Variants in ARHGEF12 observed in about 807,000 individuals in gnomAD.
ARHGEF12 encodes Rho guanine nucleotide exchange factor 12.
Under a neutral mutation model 211.2 loss-of-function variants are expected in ARHGEF12, and 66 were observed. That is an observed-to-expected ratio of 0.31 (90% CI 0.26 to 0.38). ARHGEF12 has a LOEUF of 0.38. Among genes scored for constraint, ARHGEF12 ranks in the 10% least tolerant of loss-of-function variants. The pLI is 1.00. For synonymous variants in ARHGEF12, 592 were observed against 638.4 expected (o/e 0.93, Z 1.09); for missense variants, 1,429 against 1,869.5 (o/e 0.76, Z 4.34).
chr11:120,468,757 A>G (rs567123399), intron 29 of ARHGEF12, among the ~76,000 whole-genome samples: 2 of 152,278 alleles, frequency 1.3e-5, no homozygotes, highest in African/African-American at 2.4e-5. Flanking sequence ...TGCCGCCTCA[A>G]TACGTTTTGA....
chr11:120,428,735 G>A (rs575647720), intron 8 of ARHGEF12, among the ~76,000 whole-genome samples: 1 of 152,180 alleles, frequency 6.6e-6, no homozygotes, highest in East Asian at 1.9e-4. Flanking sequence ...TTCAAAGGAG[G>A]GAGAAAGCAC....
chr11:120,423,508 T>G lies in ARHGEF12; in HGVS notation c.349-850T>G, dbSNP rs143296109. 3.6e-3 allele frequency among the ~76,000 whole-genome samples: 552 copies of G among 152,258 alleles called. 4 individuals are homozygous for G. Among genetic ancestry groups the G allele is most frequent in the Middle Eastern group, 0.027 (8 of 294 alleles). ...ATAAACTGAGGGACAGAGAAATAAA[T>G]TATATTCCATTTGCAGCTTTTGAAA... On this transcript the variant is annotated intron_variant, in intron 6 of 40. Coordinates refer to ENST00000397843, the MANE Select transcript of ARHGEF12 (RefSeq NM_015313.3).
chr11:120,408,116 C>G (rs1294435710), intron 3 of ARHGEF12: 2 of 249,266 alleles, frequency 8.0e-6, no homozygotes, highest in Non-Finnish European at 1.5e-5. Context: ...AGATCAAGAA[C>G]TCAGTGTTAA....
intron 1 of ARHGEF12, among the ~76,000 whole-genome samples, chr11:120,358,278 A>G (rs929491892): frequency 6.6e-6 from 1 of 152,160 alleles, no homozygotes; most frequent in African/African-American, 2.4e-5. Context: ...AAGCGAAGAG[A>G]CAAAGTTATT....
intron 37 of ARHGEF12, among the ~76,000 whole-genome samples, chr11:120,479,463 AT>A (rs1947164695): frequency 6.6e-6 from 1 of 152,198 alleles, no homozygotes; most frequent in African/African-American, 2.4e-5. Context: ...TCAAAATTAA[AT>A]TGGTTCTTAT....
At chr11:120,476,469 A>G (rs1038174085) in intron 33 of ARHGEF12, 192 bp from the exon 34 acceptor site, 7 of 418,636 alleles carry the variant, frequency 1.7e-5, no homozygotes, top group Admixed American at 4.0e-5. Flanking sequence ...TTGAAGTACA[A>G]TAAATATAGT....
intron 5 of ARHGEF12, among the ~76,000 whole-genome samples, chr11:120,421,429 G>GTTTTTTTTTTTTTTTT (rs1175598503): frequency 1.3e-5 from 1 of 79,880 alleles, no homozygotes; most frequent in African/African-American, 4.8e-5. Flanking sequence ...TTACAGCCTT[G>GTTTTTTTTTTTTTTTT]TTTTTTTTTT....
Position 120,429,442 on chromosome 11 carries a change from G to A in ARHGEF12, c.588G>A (p.Glu196=). 2.5e-6 allele frequency: 4 copies of A among 1,610,888 alleles called. No individual in the cohort carries two copies. The highest frequency in any genetic ancestry group is 2.5e-6 in the Non-Finnish European group (3 of 1,178,348). The change falls in exon 9 of 41, where the codon GAG becomes GAA. Residue 196 remains glutamate (E), a splice_region_variant and synonymous_variant. Transcript: ENST00000397843. ...TTTTTTATCTTTTTCTTTTCTAGGA[G>A]GAAAACAATGTGGTTCATAACCAGA... is the stretch of plus-strand genomic sequence containing the variant. ...ERITSPVLMG[E]ENNVVHNQKV...
At chr11:120,419,863 A>T (rs1945132739) in intron 4 of ARHGEF12, among the ~76,000 whole-genome samples, 1 of 152,148 alleles carries the variant, frequency 6.6e-6, no homozygotes, top group African/African-American at 2.4e-5. Flanking sequence ...AAATGCTTAG[A>T]TCCTGCAAAG....
chr11:120,481,283 T>C lies in ARHGEF12; in HGVS notation c.4261T>C (p.Tyr1421His). Residue 1421 changes from tyrosine to histidine, a missense_variant, in exon 39 of 41, where the codon TAT becomes CAT. By Grantham distance (83) the Tyr-to-His change is moderately conservative. Transcript: ENST00000397843. ...AGGAAACTATTTGATCCTTGATGGC[T>C]ATGACCCAGTGCAGGAGAGTTCCAC... is the stretch of plus-strand genomic sequence containing the variant. ...ISGNYLILDG[Y>H]DPVQESSTDE... The C allele has an allele frequency of 1.2e-6, 2 of 1,614,192 alleles. No individual in the cohort carries two copies. Among genetic ancestry groups the C allele is most frequent in the Non-Finnish European group, 1.7e-6 (2 of 1,180,022 alleles).
intron 3 of ARHGEF12, chr11:120,409,098 C>T (rs1399132808): frequency 2.9e-6 from 1 of 348,920 alleles, no homozygotes; most frequent in East Asian, 5.7e-5. Context: ...ATCATTATAG[C>T]TTTTAGTGCT....
chr11:120,345,786 A>C (rs1330476235), intron 1 of ARHGEF12, among the ~76,000 whole-genome samples: 1 of 152,050 alleles, frequency 6.6e-6, no homozygotes, highest in Non-Finnish European at 1.5e-5. Flanking sequence ...TGGACGTTAA[A>C]AAAATTAACA....
intron 1 of ARHGEF12, among the ~76,000 whole-genome samples, chr11:120,390,937 TG>T (rs1944197082): frequency 6.6e-6 from 1 of 152,206 alleles, no homozygotes; most frequent in Admixed American, 6.5e-5. Flanking sequence ...AATGAATTAA[TG>T]CATAAAAAGT....
At chr11:120,477,639 C>A in intron 36 of ARHGEF12, 113 bp downstream of exon 36, 2 of 938,642 alleles carry the variant, frequency 2.1e-6, no homozygotes, top group African/African-American at 1.7e-5. Flanking sequence ...TCGAGATAGG[C>A]GTATCACCTG....
chr11:120,402,839 T>C (rs919441261), intron 1 of ARHGEF12, among the ~76,000 whole-genome samples: 17 of 152,228 alleles, frequency 1.1e-4, no homozygotes, highest in African/African-American at 3.4e-4. Flanking sequence ...TAAGCAAATA[T>C]GTGACGACAC....
At chr11:120,453,307 T>G (rs1449391640) in intron 22 of ARHGEF12, among the ~76,000 whole-genome samples, 1 of 152,016 alleles carries the variant, frequency 6.6e-6, no homozygotes, top group Non-Finnish European at 1.5e-5. Context: ...CTTATTAAAA[T>G]AAAAACATGG....
intron 1 of ARHGEF12, among the ~76,000 whole-genome samples, chr11:120,352,066 T>C (rs1389437959): frequency 6.6e-6 from 1 of 152,186 alleles, no homozygotes; most frequent in East Asian, 1.9e-4. Context: ...GATTTTGTCT[T>C]CAACAATACC....
intron 30 of ARHGEF12, among the ~76,000 whole-genome samples, chr11:120,472,398 G>T (rs111909672): frequency 0.012 from 1,862 of 152,136 alleles, 31 homozygotes; most frequent in African/African-American, 0.041. Context: ...ATTGAGGGGG[G>T]TGGGGCAATA....
rs1947179306 is a variant in ARHGEF12 at position 120,479,987 on chromosome 11, A to C, written c.3794A>C (p.Gln1265Pro). Reference sequence around the variant, plus strand: ...GGTTTGTTGAAGCAGTTGCTGGTGCAACAGCTAGGTTTGACTGAGAAGAGC... The same window carrying C: ...GGTTTGTTGAAGCAGTTGCTGGTGCCACAGCTAGGTTTGACTGAGAAGAGC... ...NLGLLKQLLVQQLGLTEKSVQ... is the reference protein window; with the variant it reads ...NLGLLKQLLVPQLGLTEKSVQ... The change falls in exon 38 of 41, where the codon CAA (glutamine) becomes CCA (proline). Residue 1265 changes from glutamine to proline, a missense_variant. Transcript: ENST00000397843. 1 of 1,613,104 alleles carries C rather than the reference A, an allele frequency of 6.2e-7. No individual in the cohort carries two copies. Among genetic ancestry groups the C allele is most frequent in the Admixed American group, 1.7e-5 (1 of 59,974 alleles).
Sources: allele counts gnomAD v4.1 joint callset (sites outside exome capture counted in the v4.1 genomes callset), GRCh38; gene constraint gnomAD v4.1.1; transcripts MANE v1.5; gene names NCBI Gene and HGNC (gene_info 2026-07-23, HGNC 2026-07-21).